CTNNA2: variants seen among roughly 807,000 people sequenced by gnomAD.
CTNNA2 encodes catenin alpha 2, also known as catenin alpha-2.
CTNNA2 carries 42 observed loss-of-function variants against 101.0 expected under a neutral mutation model. The ratio of observed to expected loss-of-function variants is 0.42; its 90% CI spans 0.32 to 0.54. CTNNA2 has a LOEUF of 0.54. Among genes scored for constraint, CTNNA2 ranks in the 20% least tolerant of loss-of-function variants. The pLI, the probability that CTNNA2 is intolerant of heterozygous loss-of-function variation, is 0.14. For missense variants in CTNNA2, 871 were observed against 1,223.1 expected (o/e 0.71, Z 4.29); for synonymous variants, 450 against 456.4 (o/e 0.99, Z 0.18).
intron 4 of CTNNA2, among the ~76,000 whole-genome samples, chr2:79,423,802 T>C (rs1678564940): frequency 6.6e-6 from 1 of 152,146 alleles, no homozygotes; most frequent in East Asian, 1.9e-4. Flanking sequence ...TTAAATCAAC[T>C]TGGTTTAGAA....
intron 9 of CTNNA2, among the ~76,000 whole-genome samples, chr2:80,481,505 A>G (rs1686138928): frequency 6.6e-6 from 1 of 152,172 alleles, no homozygotes; most frequent in Non-Finnish European, 1.5e-5. Context: ...TTGTTTTAAC[A>G]GAAGTACCTA....
intron 7 of CTNNA2, among the ~76,000 whole-genome samples, chr2:80,161,719 T>A (rs1165454937): frequency 6.6e-6 from 1 of 152,226 alleles, no homozygotes; most frequent in African/African-American, 2.4e-5. Flanking sequence ...TTTATCTAAC[T>A]GTGCACTGAC....
intron 9 of CTNNA2, among the ~76,000 whole-genome samples, chr2:80,492,097 G>A (rs894401923): frequency 7.9e-5 from 12 of 152,172 alleles, no homozygotes; most frequent in African/African-American, 2.7e-4. Context: ...AATCCTCAGT[G>A]TTAGAGGCAG....
intron 7 of CTNNA2, among the ~76,000 whole-genome samples, chr2:79,999,326 C>T (rs1241761958): frequency 6.6e-6 from 1 of 152,214 alleles, no homozygotes; most frequent in Admixed American, 6.5e-5. Context: ...TTCTTCATTC[C>T]ATCTAGCCAC....
chr2:80,235,987 A>G (rs1296797337), intron 7 of CTNNA2, among the ~76,000 whole-genome samples: 1 of 152,030 alleles, frequency 6.6e-6, no homozygotes, highest in Non-Finnish European at 1.5e-5. Context: ...GTAGACCCCA[A>G]TGTCTGTTGT....
intron 3 of CTNNA2, among the ~76,000 whole-genome samples, chr2:79,328,031 G>A (rs1490920882): frequency 2.0e-5 from 3 of 152,120 alleles, no homozygotes; most frequent in Non-Finnish European, 4.4e-5. Flanking sequence ...CAGGCAGCAG[G>A]ATGAAAGAGA....
chr2:80,166,722 G>A (rs1195529151), intron 7 of CTNNA2, among the ~76,000 whole-genome samples: 1 of 152,134 alleles, frequency 6.6e-6, no homozygotes, highest in Non-Finnish European at 1.5e-5. Context: ...CTGAAGCTGG[G>A]AGGGGTGCAG....
At chr2:80,080,340 G>A (rs2148801187) in intron 7 of CTNNA2, among the ~76,000 whole-genome samples, 1 of 152,174 alleles carries the variant, frequency 6.6e-6, no homozygotes, top group East Asian at 1.9e-4. Flanking sequence ...TGGATCAATG[G>A]AAAAAAATGG....
chr2:80,551,751 C>T (rs1444477960), intron 11 of CTNNA2, among the ~76,000 whole-genome samples: 1 of 152,166 alleles, frequency 6.6e-6, no homozygotes, highest in Admixed American at 6.5e-5. Flanking sequence ...ACCACTCAAA[C>T]TTTCTCCATA....
chr2:80,545,025 T>C lies in CTNNA2; in HGVS notation c.1334T>C (p.Val445Ala), dbSNP rs1442909560. 6.2e-7 allele frequency: 1 copy of C among 1,613,860 alleles called. No homozygotes were observed. Among genetic ancestry groups the C allele is most frequent in the African/African-American group, 1.3e-5 (1 of 74,894 alleles). ...TCCATCTCCAACAATGAAGAAGGGG[T>C]GAAATTAGTTCGGATGGCAGCCACC... Reference protein sequence around the residue: ...ACSISNNEEGVKLVRMAATQI... With the variant: ...ACSISNNEEGAKLVRMAATQI... Residue 445 changes from valine to alanine, a missense_variant, in exon 10 of 19, where the codon GTG becomes GCG. This residue lies in a region of CTNNA2 where 647 missense variants were observed against 831.5 expected (regional missense o/e 0.78). Coordinates refer to ENST00000402739, the MANE Select transcript of CTNNA2 (RefSeq NM_001282597.3).
At chr2:79,659,477 G>C (rs1289148508) in intron 2 of CTNNA2, among the ~76,000 whole-genome samples, 1 of 152,126 alleles carries the variant, frequency 6.6e-6, no homozygotes, top group South Asian at 2.1e-4. Context: ...TTTTGTCAAA[G>C]AATTGAAATT....
At chr2:80,607,374 G>A (rs1230327878) in intron 16 of CTNNA2, among the ~76,000 whole-genome samples, 1 of 151,854 alleles carries the variant, frequency 6.6e-6, no homozygotes, top group Non-Finnish European at 1.5e-5. Context: ...TGGCAATGAA[G>A]CCTCAGAAAT....
intron 4 of CTNNA2, chr2:79,493,588 C>G (rs1671225884): frequency 6.6e-6 from 1 of 152,202 alleles, no homozygotes; most frequent in Non-Finnish European, 1.5e-5. Flanking sequence ...TGCACTCCAG[C>G]CTGGGCAACA....
intron 9 of CTNNA2, among the ~76,000 whole-genome samples, chr2:80,539,321 T>TG (rs1299232312): frequency 1.9e-4 from 23 of 122,550 alleles, no homozygotes; most frequent in East Asian, 6.1e-4. Flanking sequence ...CTTTTTTTTT[T>TG]TTGTTGTTGT....
intron 7 of CTNNA2, among the ~76,000 whole-genome samples, chr2:80,353,668 G>A (rs748238183): frequency 6.6e-6 from 1 of 152,114 alleles, no homozygotes. Context: ...CATAACAGGA[G>A]CATCTATATC....
chr2:80,090,895 G>A (rs1366188326), intron 7 of CTNNA2, among the ~76,000 whole-genome samples: 1 of 151,918 alleles, frequency 6.6e-6, no homozygotes, highest in Non-Finnish European at 1.5e-5. Flanking sequence ...TTTTACATTG[G>A]ATTTTCTGGA....
At chr2:79,499,536 C>T (rs1457248854) in intron 4 of CTNNA2, among the ~76,000 whole-genome samples, 1 of 152,164 alleles carries the variant, frequency 6.6e-6, no homozygotes, top group African/African-American at 2.4e-5. Flanking sequence ...TTAATCCTTC[C>T]CATAGCCACA....
At chr2:79,664,118 A>G (rs773850724) in intron 2 of CTNNA2, among the ~76,000 whole-genome samples, 1 of 152,222 alleles carries the variant, frequency 6.6e-6, no homozygotes, top group Non-Finnish European at 1.5e-5. Context: ...GTGTTTTTGT[A>G]TGTTGAAATG....
At chr2:80,130,102 G>A (rs775375431) in intron 7 of CTNNA2, among the ~76,000 whole-genome samples, 36 of 152,086 alleles carry the variant, frequency 2.4e-4, no homozygotes, top group African/African-American at 5.6e-4. Context: ...GCCAAATCAC[G>A]GTGGTGCCAA....
Sources: allele counts gnomAD v4.1 joint callset (sites outside exome capture counted in the v4.1 genomes callset), GRCh38; gene constraint gnomAD v4.1.1; regional missense constraint gnomAD v4.1.1; transcripts MANE v1.5; gene names NCBI Gene and HGNC (gene_info 2026-07-23, HGNC 2026-07-21).